The following RRM2 variants were observed in gnomAD, a reference collection of about 807,000 sequenced individuals.
RRM2 encodes ribonucleotide reductase regulatory subunit M2, also known as ribonucleoside-diphosphate reductase subunit M2.
Under a neutral mutation model 45.9 loss-of-function variants are expected in RRM2, and 6 were observed. The observed-to-expected ratio is 0.13, with a 90% CI of 0.07 to 0.26. The LOEUF is 0.26. RRM2 is among the 10% of genes least tolerant of loss of function. RRM2 has a pLI of 1.00. For synonymous variants in RRM2, 177 were observed against 173.0 expected (o/e 1.02, Z -0.18); for missense variants, 343 against 489.5 (o/e 0.70, Z 2.82).
In RRM2 at chr2:10,127,475, GTTC is replaced by G; in HGVS notation, c.798+258_798+260del. 2.8e-6 allele frequency: 1 copy of G among 358,010 alleles called. No homozygotes were observed. Among genetic ancestry groups the G allele is most frequent in the Non-Finnish European group, 5.1e-6 (1 of 197,632 alleles). 22.2% of individuals were successfully genotyped at this position (358,010 alleles called of 1,614,324 possible). ...AGGCTTTGAATGCATAAAACTACAA[GTTC>G]TTTGTTTTTTGAGGTGACGGAATCT... On this transcript the variant is annotated intron_variant, in intron 7 of 9. Transcript: ENST00000304567. The surrounding 1 kb of genome is among the most constrained non-coding windows in gnomAD (Gnocchi z 4.1).
Position 10,125,655 on chromosome 2 carries a change from G to A in RRM2, c.569+805G>A, listed in dbSNP as rs555440595. Among the ~76,000 whole-genome samples the A allele has an allele frequency of 2.0e-5, 3 of 152,274 alleles. No homozygotes were observed. The East Asian group carries it at 5.8e-4, about 29-fold the overall frequency. On this transcript the variant is annotated intron_variant, in intron 5 of 9. Transcript: ENST00000304567. ...CTTGCGCTCCAGCCTGGGTGACAGA[G>A]CAAGACTCCGTCTCAAAAAGCAAAA...
upstream of RRM2, among the ~76,000 whole-genome samples, chr2:10,136,611 A>C (rs2125310459): frequency 6.6e-6 from 1 of 152,234 alleles, no homozygotes; most frequent in South Asian, 2.1e-4. Flanking sequence ...CTCTATAGAA[A>C]AATTTTTAAA....
chr2:10,125,547 TAAA>T (rs1662760556), intron 5 of RRM2, among the ~76,000 whole-genome samples: 1 of 151,830 alleles, frequency 6.6e-6, no homozygotes, highest in Non-Finnish European at 1.5e-5. Flanking sequence ...CTACTAAAAA[TAAA>T]AAAAGTGGTG....
At position 10,127,666 on chromosome 2, in the gene RRM2, G is replaced by T. The variant is rs1458452044; in HGVS notation, c.798+446G>T. Among the ~76,000 whole-genome samples the T allele has an allele frequency of 1.3e-5, 2 of 151,862 alleles. No homozygotes were observed. Among genetic ancestry groups the T allele is most frequent in the Admixed American group, 6.6e-5 (1 of 15,256 alleles). ...ATTTTCGTCTTTTTATACAGACGGGGTTTCACCATGTTTGCCAGACTGGGG... is the reference window on the plus strand; with the variant it reads ...ATTTTCGTCTTTTTATACAGACGGGTTTTCACCATGTTTGCCAGACTGGGG... On this transcript the variant is annotated intron_variant, in intron 7 of 9. Coordinates refer to ENST00000304567, the MANE Select transcript of RRM2 (RefSeq NM_001034.4). This position sits in a 1 kb window ranked among gnomAD's most constrained non-coding sequence, Gnocchi z 4.1.
At chr2:10,188,911 G>A (rs1572525913) in intron 3 of RRM2, among the ~76,000 whole-genome samples, 1 of 152,284 alleles carries the variant, frequency 6.6e-6, no homozygotes, top group East Asian at 1.9e-4. Flanking sequence ...GGCCGCATTT[G>A]GAGGCTGGAT....
chr2:10,128,155 C>T (rs777116593), intron 7 of RRM2, among the ~76,000 whole-genome samples: 62 of 152,022 alleles, frequency 4.1e-4, no homozygotes, highest in African/African-American at 1.3e-3. Flanking sequence ...ACAGTCCCCC[C>T]GAAAAAGAAT....
rs191927969 is a variant in RRM2, at chr2:10,184,222, T to C, written n.483-26089T>C. Among the ~76,000 whole-genome samples the C allele has an allele frequency of 3.3e-5, 5 of 151,236 alleles. No homozygotes were observed. The East Asian group carries it at 9.8e-4, about 30-fold the overall frequency. On this transcript the variant is annotated intron_variant and non_coding_transcript_variant, in intron 3 of 3. Coordinates refer to the RRM2 transcript ENST00000381786. ...CATCAGGACTGCAAACATCCTGCCATTAGATCTTGGACCAGCACCGGCCTG... is the reference window on the plus strand; with the variant it reads ...CATCAGGACTGCAAACATCCTGCCACTAGATCTTGGACCAGCACCGGCCTG...
chr2:10,193,995 C>A (rs986575369), intron 3 of RRM2, among the ~76,000 whole-genome samples: 2 of 152,198 alleles, frequency 1.3e-5, no homozygotes, highest in Non-Finnish European at 2.9e-5. Flanking sequence ...TCCTGTGAAC[C>A]CTCTGTCCAT....
intron 3 of RRM2, among the ~76,000 whole-genome samples, chr2:10,194,294 G>A (rs116037324): frequency 6.6e-6 from 1 of 152,200 alleles, no homozygotes; most frequent in Non-Finnish European, 1.5e-5. Flanking sequence ...AAGCAAAGGC[G>A]GTGGTGTGAC....
Position 10,127,725 on chromosome 2 carries a change from A to G in RRM2, c.798+505A>G, listed in dbSNP as rs973106024. ...CTGACCTCAGGTGATCAGGTGATCC[A>G]CCCGCCTCGGCCTCCCAGAGTGCTG... On this transcript the variant is annotated intron_variant, in intron 7 of 9. Coordinates refer to ENST00000304567, the MANE Select transcript of RRM2 (RefSeq NM_001034.4). This position sits in a 1 kb window ranked among gnomAD's most constrained non-coding sequence, Gnocchi z 4.1. 6.6e-6 allele frequency among the ~76,000 whole-genome samples: 1 copy of G among 151,134 alleles called. No homozygotes were observed. Among genetic ancestry groups the G allele is most frequent in the Non-Finnish European group, 1.5e-5 (1 of 67,570 alleles).
chr2:10,143,200 C>A (rs1663120401), intron 3 of RRM2, among the ~76,000 whole-genome samples: 1 of 152,172 alleles, frequency 6.6e-6, no homozygotes, highest in Admixed American at 6.5e-5. Flanking sequence ...AACACCACAT[C>A]CTCTAGCCTC....
intron 3 of RRM2, among the ~76,000 whole-genome samples, chr2:10,159,907 G>GC (rs1663520330): frequency 6.6e-6 from 1 of 152,134 alleles, no homozygotes; most frequent in African/African-American, 2.4e-5. Flanking sequence ...GGTGGGAAGC[G>GC]CCCAGGAGGC....
rs141284388 is a variant in RRM2 at position 10,127,728 on chromosome 2, C to T, written c.798+508C>T. 4.1e-3 allele frequency among the ~76,000 whole-genome samples: 622 copies of T among 152,164 alleles called. 5 individuals are homozygous for T. Among genetic ancestry groups the T allele is most frequent in the African/African-American group, 0.014 (597 of 41,520 alleles). On this transcript the variant is annotated intron_variant, in intron 7 of 9. Coordinates refer to ENST00000304567, the MANE Select transcript of RRM2 (RefSeq NM_001034.4). The surrounding 1 kb of genome is among the most constrained non-coding windows in gnomAD (Gnocchi z 4.1). The stretch of plus-strand genomic sequence containing the variant: ...ACCTCAGGTGATCAGGTGATCCACC[C>T]GCCTCGGCCTCCCAGAGTGCTGGGA...
chr2:10,159,668 T>C (rs1260551989), intron 3 of RRM2, among the ~76,000 whole-genome samples: 1 of 152,260 alleles, frequency 6.6e-6, no homozygotes, highest in Non-Finnish European at 1.5e-5. Context: ...GCTTCCTTCC[T>C]GCAGGGCTGC....
intron 3 of RRM2, among the ~76,000 whole-genome samples, chr2:10,148,177 A>G (rs1663231953): frequency 6.7e-6 from 1 of 149,420 alleles, no homozygotes; most frequent in Non-Finnish European, 1.5e-5. Flanking sequence ...AAAAAAAGAA[A>G]TCAGATACTA....
At chr2:10,124,631 C>G (rs1662743185) in intron 4 of RRM2, 86 bp from the exon 5 acceptor site, 3 of 1,440,018 alleles carry the variant, frequency 2.1e-6, no homozygotes, top group Admixed American at 1.8e-5. Context: ...TATAATGGTA[C>G]AAAGAGTGCG....
Position 10,171,005 on chromosome 2 carries a change from G to C in RRM2, n.482+28630G>C. Among the ~76,000 whole-genome samples, 1 of 152,208 alleles carries C rather than the reference G, an allele frequency of 6.6e-6. No homozygotes were observed. Among genetic ancestry groups the C allele is most frequent in the East Asian group, 1.9e-4 (1 of 5,192 alleles). On this transcript the variant is annotated intron_variant and non_coding_transcript_variant, in intron 3 of 3. Coordinates refer to the RRM2 transcript ENST00000381786. The surrounding 1 kb of genome is among the most constrained non-coding windows in gnomAD (Gnocchi z 4.1). ...GGGGCTGCAAGCTCCTTTGAGATGC[G>C]GGGCTCAGGCCTCATCAGGGGAAAC...
Position 10,126,202 on chromosome 2 carries a change from T to G in RRM2, c.570-673T>G, listed in dbSNP as rs200250520. On this transcript the variant is annotated intron_variant, in intron 5 of 9. Transcript: ENST00000304567. ...AAAAAAAAAAAAAAAAGCTGCCCAA[T>G]GTCTGGTGCCCTTGGCTTCAGAACA... 1.6e-3 allele frequency among the ~76,000 whole-genome samples: 20 copies of G among 12,652 alleles called. 4 individuals are homozygous for G. Among genetic ancestry groups the G allele is most frequent in the South Asian group, 7.2e-3 (5 of 694 alleles). 8.3% of individuals were successfully genotyped at this position (12,652 alleles called of 152,430 possible). A position where few individuals can be genotyped will look rare whatever the true frequency, so the allele number is the denominator to read the frequency against.
chr2:10,158,616 C>T (rs1057377373), intron 3 of RRM2, among the ~76,000 whole-genome samples: 1 of 152,124 alleles, frequency 6.6e-6, no homozygotes, highest in Non-Finnish European at 1.5e-5. Context: ...CCTTCCTTAC[C>T]CAAAGGATGA....
Sources: gnomAD v4.1 joint callset for allele counts (sites outside exome capture counted in the v4.1 genomes callset) on GRCh38, gnomAD v4.1.1 for gene constraint, Gnocchi (gnomAD v3.1) non-coding constraint, MANE v1.5 for transcripts, NCBI Gene and HGNC (gene_info 2026-07-23, HGNC 2026-07-21) for gene names.